The following SPOCK1 variants were observed in gnomAD, a reference collection of about 807,000 sequenced individuals.
The protein encoded by SPOCK1 is testican-1.
SPOCK1 carries 23 observed loss-of-function variants against 55.3 expected under a neutral mutation model. That is an observed-to-expected ratio of 0.42 (90% CI 0.30 to 0.59). The LOEUF is 0.59. SPOCK1 is among the 20% of genes least tolerant of loss of function. SPOCK1 has a pLI of 0.22. For synonymous variants in SPOCK1, 226 were observed against 221.0 expected, an observed-to-expected ratio of 1.02 and a Z score of -0.20; for missense variants, 499 against 552.5, an observed-to-expected ratio of 0.90 and a Z score of 0.97.
At chr5:137,068,258 C>CT (rs75087242) in intron 5 of SPOCK1, among the ~76,000 whole-genome samples, 3,496 of 152,254 alleles carry the variant, frequency 0.023, 98 homozygotes, top group East Asian at 0.13. Flanking sequence ...CATGCTCTTC[C>CT]TGGGAGGGAA....
chr5:137,449,063 T>A (rs552790453), intron 2 of SPOCK1, among the ~76,000 whole-genome samples: 1 of 152,320 alleles, frequency 6.6e-6, no homozygotes, highest in East Asian at 1.9e-4. Flanking sequence ...CTTCAAGGCA[T>A]CAGAACTGCT....
At chr5:137,261,746 C>T (rs1227890069) in intron 3 of SPOCK1, among the ~76,000 whole-genome samples, 2 of 152,300 alleles carry the variant, frequency 1.3e-5, no homozygotes, top group East Asian at 1.9e-4. Context: ...TTATCTAAAG[C>T]GTTCATTGAT....
chr5:136,978,303 G>T lies in SPOCK1; in HGVS notation c.*351C>A. On this transcript the variant is annotated 3_prime_UTR_variant, in exon 11 of 11. Coordinates refer to ENST00000394945, the MANE Select transcript of SPOCK1 (RefSeq NM_004598.4). Reference sequence around the variant, plus strand: ...CCACCAGTGTGGGTAATCAAAAAGGGTCTTTGACATTTAAGAGGGTTGGGG... The same window carrying T: ...CCACCAGTGTGGGTAATCAAAAAGGTTCTTTGACATTTAAGAGGGTTGGGG... 1 of 311,672 alleles carries T rather than the reference G, an allele frequency of 3.2e-6. No individual in the cohort carries two copies. The highest frequency in any genetic ancestry group is 5.8e-6 in the Non-Finnish European group (1 of 171,808). The allele number at this position is 311,672 out of a possible 1,614,324, so 19.3% of individuals were successfully genotyped here.
At chr5:136,985,992 A>G (rs1750833727) in intron 8 of SPOCK1, among the ~76,000 whole-genome samples, 1 of 152,106 alleles carries the variant, frequency 6.6e-6, no homozygotes, top group African/African-American at 2.4e-5. Flanking sequence ...TTTGGCTGAT[A>G]CTGCCTCTTT....
chr5:137,441,069 C>T (rs1752994756), intron 2 of SPOCK1, among the ~76,000 whole-genome samples: 1 of 152,188 alleles, frequency 6.6e-6, no homozygotes, highest in Admixed American at 6.5e-5. Context: ...GGTGATTGAA[C>T]ATCCGTCACA....
At chr5:137,453,431 G>A (rs1753297230) in intron 2 of SPOCK1, among the ~76,000 whole-genome samples, 1 of 152,176 alleles carries the variant, frequency 6.6e-6, no homozygotes. Context: ...CAGCCCAGTA[G>A]TAAGAAATTC....
chr5:137,122,083 T>C (rs1753696493), intron 4 of SPOCK1, among the ~76,000 whole-genome samples: 1 of 151,924 alleles, frequency 6.6e-6, no homozygotes, highest in Admixed American at 6.6e-5. Context: ...GTCTACTAAC[T>C]GGTATGAGAC....
At chr5:137,244,564 A>G (rs1386189285) in intron 3 of SPOCK1, among the ~76,000 whole-genome samples, 1 of 152,238 alleles carries the variant, frequency 6.6e-6, no homozygotes, top group African/African-American at 2.4e-5. Context: ...ACAGTAATCA[A>G]TTTTGAATTT....
chr5:137,383,412 G>A (rs1218604677), intron 2 of SPOCK1, among the ~76,000 whole-genome samples: 1 of 152,138 alleles, frequency 6.6e-6, no homozygotes, highest in Non-Finnish European at 1.5e-5. Flanking sequence ...CTGGCTAGCT[G>A]AGTTTCAACT....
intron 6 of SPOCK1, among the ~76,000 whole-genome samples, chr5:137,009,448 C>G (rs972775581): frequency 2.0e-5 from 3 of 152,104 alleles, no homozygotes; most frequent in African/African-American, 7.2e-5. Flanking sequence ...ATATTCTATA[C>G]TATATATGTG....
At chr5:137,217,241 T>A (rs140669356) in intron 3 of SPOCK1, among the ~76,000 whole-genome samples, 2 of 152,180 alleles carry the variant, frequency 1.3e-5, no homozygotes, top group Non-Finnish European at 2.9e-5. Flanking sequence ...TCTATCTAAA[T>A]CACTCCCCAG....
chr5:137,255,554 C>CA (rs1756616307), intron 3 of SPOCK1, among the ~76,000 whole-genome samples: 1 of 151,394 alleles, frequency 6.6e-6, no homozygotes, highest in Non-Finnish European at 1.5e-5. Context: ...GAGGCAAAGA[C>CA]AAAAACAAAA....
At chr5:137,357,490 G>A (rs1405895976) in intron 2 of SPOCK1, among the ~76,000 whole-genome samples, 4 of 152,170 alleles carry the variant, frequency 2.6e-5, no homozygotes, top group Non-Finnish European at 4.4e-5. Context: ...ATATAAAGGA[G>A]CTCATGATCA....
intron 5 of SPOCK1, among the ~76,000 whole-genome samples, chr5:137,082,089 T>C (rs1752885710): frequency 6.6e-6 from 1 of 152,212 alleles, no homozygotes; most frequent in Non-Finnish European, 1.5e-5. Flanking sequence ...TGTGTGCTGA[T>C]TGCTCCCACC....
intron 3 of SPOCK1, among the ~76,000 whole-genome samples, chr5:137,159,261 C>T (rs1279038287): frequency 1.3e-5 from 2 of 152,144 alleles, no homozygotes; most frequent in African/African-American, 2.4e-5. Context: ...ATACAGACTT[C>T]TTAAAATGGG....
intron 3 of SPOCK1, among the ~76,000 whole-genome samples, chr5:137,145,925 G>A (rs963846835): frequency 6.6e-6 from 1 of 152,180 alleles, no homozygotes; most frequent in East Asian, 1.9e-4. Flanking sequence ...GTTGGAGCAA[G>A]CCGGTGAGTA....
At chr5:137,469,343 C>T (rs1456984123) in intron 2 of SPOCK1, among the ~76,000 whole-genome samples, 5 of 152,190 alleles carry the variant, frequency 3.3e-5, no homozygotes, top group Admixed American at 3.3e-4. Context: ...ATTCAGTCCT[C>T]CAAGAGTTGG....
intron 2 of SPOCK1, among the ~76,000 whole-genome samples, chr5:137,333,418 C>T (rs1432072129): frequency 3.3e-5 from 5 of 152,142 alleles, no homozygotes; most frequent in Non-Finnish European, 7.4e-5. Flanking sequence ...GCCACAAGAC[C>T]TCCAGCAGAC....
At chr5:137,041,342 G>A (rs1482097885) in intron 6 of SPOCK1, among the ~76,000 whole-genome samples, 2 of 152,068 alleles carry the variant, frequency 1.3e-5, no homozygotes, top group African/African-American at 4.8e-5. Flanking sequence ...ATGGATGATA[G>A]GTCTAACTGT....
Sources: gnomAD v4.1 joint callset for allele counts (sites outside exome capture counted in the v4.1 genomes callset) on GRCh38, gnomAD v4.1.1 for gene constraint, MANE v1.5 for transcripts, NCBI Gene and HGNC (gene_info 2026-07-23, HGNC 2026-07-21) for gene names.